Variants in KHDRBS2 observed in about 807,000 individuals in gnomAD.
KHDRBS2 encodes KH domain-containing, RNA-binding, signal transduction-associated protein 2.
In KHDRBS2, 26 loss-of-function variants were observed where a neutral mutation model predicts 44.3. The observed-to-expected ratio is 0.59, with a 90% CI of 0.43 to 0.81. The LOEUF (loss-of-function observed/expected upper bound fraction) is 0.81. KHDRBS2 is among the 40% of genes least tolerant of loss of function. The probability of loss-of-function intolerance (pLI) is 0.00; values close to 1 mark genes in which losing one functional copy is unlikely to be tolerated. For missense variants in KHDRBS2, 476 were observed against 433.1 expected, an observed-to-expected ratio of 1.10 and a Z score of -0.88; for synonymous variants, 194 against 151.1, an observed-to-expected ratio of 1.28 and a Z score of -2.08.
At chr6:62,042,392 T>C (rs1429542380) in intron 3 of KHDRBS2, among the ~76,000 whole-genome samples, 1 of 152,024 alleles carries the variant, frequency 6.6e-6, no homozygotes, top group Non-Finnish European at 1.5e-5. Flanking sequence ...AAGAAAGAAA[T>C]GTTGTTGATC....
At chr6:61,628,411 T>C in the KHDRBS2 span, among the ~76,000 whole-genome samples, 1 of 152,050 alleles carries the variant, frequency 6.6e-6, no homozygotes. Flanking sequence ...GGCACACATG[T>C]ATATGTTGAA....
At chr6:61,923,006 G>A (rs1418535290) in intron 4 of KHDRBS2, among the ~76,000 whole-genome samples, 2 of 152,010 alleles carry the variant, frequency 1.3e-5, no homozygotes, top group African/African-American at 4.8e-5. Flanking sequence ...AAAATTAGCT[G>A]TCAAAGACAT....
intron 6 of KHDRBS2, among the ~76,000 whole-genome samples, chr6:61,847,633 G>A (rs371100019): frequency 1.3e-4 from 20 of 148,552 alleles, no homozygotes; most frequent in African/African-American, 4.6e-4. Context: ...TATAAAACAG[G>A]GAGTTTTCTT....
chr6:62,001,482 T>C (rs1331858703), intron 3 of KHDRBS2, among the ~76,000 whole-genome samples: 1 of 151,892 alleles, frequency 6.6e-6, no homozygotes, highest in Admixed American at 6.6e-5. Flanking sequence ...AAATAACAGA[T>C]ACTTTTAAGA....
At chr6:61,745,844 A>T (rs1005119859) in intron 6 of KHDRBS2, among the ~76,000 whole-genome samples, 1 of 152,002 alleles carries the variant, frequency 6.6e-6, no homozygotes, top group Admixed American at 6.6e-5. Context: ...ATAAAATAAA[A>T]TATTTTATTT....
At chr6:61,585,375 A>G in the KHDRBS2 span, among the ~76,000 whole-genome samples, 2 of 152,208 alleles carry the variant, frequency 1.3e-5, no homozygotes, top group Admixed American at 1.3e-4. Context: ...TCATGCAATA[A>G]TAATTCAGTG....
At chr6:62,242,521 G>C (rs769733400) in intron 1 of KHDRBS2, among the ~76,000 whole-genome samples, 1 of 151,956 alleles carries the variant, frequency 6.6e-6, no homozygotes, top group Non-Finnish European at 1.5e-5. Context: ...ATGGCCAAAT[G>C]CCCCCTGGGA....
rs1160669397 is a variant in KHDRBS2 at position 62,106,161 on chromosome 6, G to C, written c.220-58167C>G. 1.1e-4 allele frequency among the ~76,000 whole-genome samples: 16 copies of C among 152,168 alleles called. No individual in the cohort carries two copies. In the South Asian group the frequency reaches 3.3e-3, roughly 32 times the overall value. On this transcript the variant is annotated intron_variant, in intron 2 of 8. Coordinates refer to ENST00000281156, the MANE Select transcript of KHDRBS2 (RefSeq NM_152688.4). ...TGAGAGACAGTTTGTTATAATTTCT[G>C]TTCTTTTACATTTGCTGAGGAGAGC...
At chr6:62,133,422 A>T (rs1226552653) in intron 2 of KHDRBS2, among the ~76,000 whole-genome samples, 1 of 152,118 alleles carries the variant, frequency 6.6e-6, no homozygotes, top group Non-Finnish European at 1.5e-5. Flanking sequence ...TTTGCCTTCC[A>T]CCATGATTGT....
chr6:61,761,388 G>A (rs1227905263), intron 6 of KHDRBS2, among the ~76,000 whole-genome samples: 1 of 152,122 alleles, frequency 6.6e-6, no homozygotes, highest in African/African-American at 2.4e-5. Context: ...GCAACACACA[G>A]TATTTGTTTA....
intron 4 of KHDRBS2, among the ~76,000 whole-genome samples, chr6:61,964,596 C>T (rs1769492178): frequency 6.6e-6 from 1 of 151,878 alleles, no homozygotes; most frequent in African/African-American, 2.4e-5. Flanking sequence ...AATTAAAAGC[C>T]TGTTATTGCT....
intron 4 of KHDRBS2, among the ~76,000 whole-genome samples, chr6:61,967,458 T>C (rs1400081444): frequency 6.6e-6 from 1 of 151,842 alleles, no homozygotes; most frequent in Non-Finnish European, 1.5e-5. Flanking sequence ...TTGATATAGA[T>C]ATAGATAGAT....
intron 2 of KHDRBS2, among the ~76,000 whole-genome samples, chr6:62,069,510 C>T (rs1311893229): frequency 1.3e-5 from 2 of 151,604 alleles, no homozygotes; most frequent in African/African-American, 2.4e-5. Context: ...TACAGGATCA[C>T]TAGTGGCACT....
At chr6:62,046,022 T>C (rs1787612587) in intron 3 of KHDRBS2, among the ~76,000 whole-genome samples, 3 of 150,804 alleles carry the variant, frequency 2.0e-5, no homozygotes, top group South Asian at 4.1e-4. Context: ...TGCAGTACAA[T>C]GTATTATTAT....
chr6:62,056,943 A>T lies in KHDRBS2; in HGVS notation c.220-8949T>A, dbSNP rs563760023. Among the ~76,000 whole-genome samples, 296 of 152,114 alleles carry T rather than the reference A, an allele frequency of 1.9e-3. 4 individuals are homozygous for T. The South Asian group carries it at 0.034, about 17-fold the overall frequency. On this transcript the variant is annotated intron_variant, in intron 2 of 8. Coordinates refer to ENST00000281156, the MANE Select transcript of KHDRBS2 (RefSeq NM_152688.4). ...TTCAATAGTTATTTTATTTTTAACC[A>T]ATAATCAAATTGAAACCAAACTGTG...
intron 3 of KHDRBS2, among the ~76,000 whole-genome samples, chr6:62,002,181 C>T (rs930472672): frequency 8.8e-6 from 1 of 114,224 alleles, no homozygotes; most frequent in Non-Finnish European, 2.0e-5. Flanking sequence ...ATAATCACCA[C>T]AGTGATTAAA....
chr6:62,061,903 T>A (rs1393840804), intron 2 of KHDRBS2, among the ~76,000 whole-genome samples: 1 of 151,638 alleles, frequency 6.6e-6, no homozygotes, highest in African/African-American at 2.4e-5. Context: ...AAACTTCCCT[T>A]CTCGCTTCAT....
At chr6:61,574,573 G>A in the KHDRBS2 span, among the ~76,000 whole-genome samples, 1 of 152,090 alleles carries the variant, frequency 6.6e-6, no homozygotes, top group African/African-American at 2.4e-5. Flanking sequence ...CAGTCAAAAC[G>A]AGTTACCACG....
At chr6:62,236,909 C>A (rs1833796952) in intron 1 of KHDRBS2, among the ~76,000 whole-genome samples, 1 of 151,974 alleles carries the variant, frequency 6.6e-6, no homozygotes, top group Non-Finnish European at 1.5e-5. Context: ...GAATTATCTT[C>A]ATTTTTTTCA....
Sources: allele counts gnomAD v4.1 joint callset (sites outside exome capture counted in the v4.1 genomes callset), GRCh38; gene constraint gnomAD v4.1.1; transcripts MANE v1.5; gene names NCBI Gene and HGNC (gene_info 2026-07-23, HGNC 2026-07-21).